The following PTPRZ1 variants were observed in gnomAD, a reference collection of about 807,000 sequenced individuals.
The protein encoded by PTPRZ1 is receptor-type tyrosine-protein phosphatase zeta.
A neutral mutation model predicts 214.1 loss-of-function variants in PTPRZ1; 82 were observed. The observed-to-expected ratio is 0.38, with a 90% CI of 0.32 to 0.46. The LOEUF (loss-of-function observed/expected upper bound fraction) is 0.46, where lower values mean the gene tolerates loss of function less well. Ranked by LOEUF, PTPRZ1 falls within the 20% of genes least tolerant of loss-of-function variation. PTPRZ1 has a pLI of 1.00. For synonymous variants in PTPRZ1, 945 were observed against 987.9 expected (o/e 0.96, Z 0.81); for missense variants, 2,603 against 2,748.7 (o/e 0.95, Z 1.19).
At chr7:122,029,995 T>C in intron 14 of PTPRZ1, among the ~76,000 whole-genome samples, 1 of 151,976 alleles carries the variant, frequency 6.6e-6, no homozygotes, top group Non-Finnish European at 1.5e-5. Context: ...TTTGATTCCC[T>C]TCACTTCCAA....
At chr7:121,912,140 C>A (rs919956362) in intron 1 of PTPRZ1, among the ~76,000 whole-genome samples, 7 of 152,096 alleles carry the variant, frequency 4.6e-5, no homozygotes, top group Admixed American at 4.6e-4. Context: ...TTCAAGAAAG[C>A]CCAGTAAATC....
intron 23 of PTPRZ1, among the ~76,000 whole-genome samples, chr7:122,048,008 G>A (rs1222017501): frequency 6.6e-6 from 1 of 151,936 alleles, no homozygotes. Flanking sequence ...GGAAAAGGGA[G>A]ATAATTTTAA....
chr7:122,053,883 G>A, intron 25 of PTPRZ1, 27 bp from the exon 26 acceptor site: 1 of 1,610,734 alleles, frequency 6.2e-7, no homozygotes, highest in Non-Finnish European at 8.5e-7. Context: ...CGCCAGTGCT[G>A]TTTTTGTCTT....
intron 1 of PTPRZ1, among the ~76,000 whole-genome samples, chr7:121,888,135 T>G (rs1044122605): frequency 1.3e-5 from 2 of 152,008 alleles, no homozygotes; most frequent in Non-Finnish European, 2.9e-5. Context: ...AGAGACAGTG[T>G]TTTTTGATGC....
chr7:121,907,559 T>C (rs1296705132), intron 1 of PTPRZ1, among the ~76,000 whole-genome samples: 1 of 152,030 alleles, frequency 6.6e-6, no homozygotes, highest in Non-Finnish European at 1.5e-5. Context: ...CATTTAATCA[T>C]AGGATTAAGA....
intron 17 of PTPRZ1, 145 bp downstream of exon 17, chr7:122,034,523 T>C (rs1799480369): frequency 4.6e-6 from 3 of 649,630 alleles, no homozygotes; most frequent in Admixed American, 2.8e-5. Context: ...TTGTGTTAGA[T>C]AATATGTAGC....
chr7:122,060,430 C>T (rs1033738844), intron 29 of PTPRZ1, among the ~76,000 whole-genome samples: 2 of 152,176 alleles, frequency 1.3e-5, no homozygotes, highest in African/African-American at 2.4e-5. Context: ...TGATGCTGCT[C>T]ACTGGTTCAG....
At chr7:121,987,238 C>T in intron 8 of PTPRZ1, among the ~76,000 whole-genome samples, 1 of 124,400 alleles carries the variant, frequency 8.0e-6, no homozygotes, top group East Asian at 2.2e-4. Flanking sequence ...CCTCTTTGGT[C>T]AGTTCCCCTC....
In PTPRZ1 at chr7:122,055,211, A is replaced by G. The variant is rs116557693; in HGVS notation, c.6528+124A>G. The G allele has an allele frequency of 1.6e-3, 1,205 of 733,286 alleles. 14 individuals carry two copies. In the African/African-American group the frequency reaches 0.018, roughly 11 times the overall value. 45.4% of individuals were successfully genotyped at this position (733,286 alleles called of 1,614,324 possible). A position where few individuals can be genotyped will look rare whatever the true frequency, so the allele number is the denominator to read the frequency against. ...ATTTTTTCCCCATTGAGACAAATAC[A>G]CAAATAATCAAATTACCTTGTCACT... On this transcript the variant is annotated intron_variant, in intron 27 of 29. Coordinates refer to ENST00000393386, the MANE Select transcript of PTPRZ1 (RefSeq NM_002851.3).
Position 122,044,530 on chromosome 7 carries a change from G to A in PTPRZ1, c.6046G>A (p.Gly2016Arg), listed in dbSNP as rs757700789. The part of the protein sequence containing the change: ...HAYVNALLIP[G>R]PAGKTKLEKQ... ...CTATGTTAATGCACTCCTCATTCCT[G>A]GACCAGCAGGCAAAACAAAGCTAGA... The change falls in exon 23 of 30, where the codon GGA (glycine) becomes AGA (arginine). Residue 2016 changes from glycine to arginine, a missense_variant. Physicochemically the swap from Gly to Arg is moderately radical, Grantham distance 125. This residue lies in a region of PTPRZ1 where 1,913 missense variants were observed against 1,914.3 expected (regional missense o/e 1.00). Transcript: ENST00000393386. 25 of 1,613,680 alleles carry A rather than the reference G, an allele frequency of 1.5e-5. No homozygotes were observed. Among genetic ancestry groups the A allele is most frequent in the Non-Finnish European group, 1.9e-5 (22 of 1,179,804 alleles).
chr7:121,968,425 C>T (rs1447026549), intron 3 of PTPRZ1, among the ~76,000 whole-genome samples: 1 of 152,082 alleles, frequency 6.6e-6, no homozygotes, highest in Non-Finnish European at 1.5e-5. Flanking sequence ...TAGTCAATTA[C>T]TTAGTCAATC....
intron 8 of PTPRZ1, among the ~76,000 whole-genome samples, chr7:121,993,523 C>T (rs1417051181): frequency 2.3e-5 from 3 of 130,950 alleles, no homozygotes; most frequent in African/African-American, 5.8e-5. Flanking sequence ...TGCAGTAAGG[C>T]GAGATTGTGG....
chr7:121,971,033 T>G (rs1010708532), intron 3 of PTPRZ1, among the ~76,000 whole-genome samples: 1 of 152,192 alleles, frequency 6.6e-6, no homozygotes, highest in African/African-American at 2.4e-5. Flanking sequence ...CTAGCCAGTT[T>G]TCCCAGCACC....
At chr7:121,998,091 A>T in intron 10 of PTPRZ1, 85 bp downstream of exon 10, 1 of 1,434,034 alleles carries the variant, frequency 7.0e-7, no homozygotes, top group Admixed American at 2.3e-5. Context: ...TTCTCTCTAT[A>T]TTCTTTTGGC....
At chr7:122,001,670 G>T (rs528811642) in intron 10 of PTPRZ1, among the ~76,000 whole-genome samples, 1 of 152,234 alleles carries the variant, frequency 6.6e-6, no homozygotes, top group East Asian at 1.9e-4. Flanking sequence ...AATTAAATAA[G>T]CCTTGCTTGC....
At chr7:122,024,536 C>T (rs1448212418) in intron 13 of PTPRZ1, among the ~76,000 whole-genome samples, 1 of 152,020 alleles carries the variant, frequency 6.6e-6, no homozygotes, top group African/African-American at 2.4e-5. Context: ...AACTGCACTA[C>T]AAAGTATACC....
At chr7:122,038,509 CTTTT>C (rs140553499) in intron 18 of PTPRZ1, among the ~76,000 whole-genome samples, 18 of 106,294 alleles carry the variant, frequency 1.7e-4, no homozygotes, top group Admixed American at 6.2e-4. Context: ...GAGAGCTATT[CTTTT>C]TTTTTTTTTT....
chr7:122,006,824 A>C (rs1425496157), intron 11 of PTPRZ1, among the ~76,000 whole-genome samples: 1 of 152,130 alleles, frequency 6.6e-6, no homozygotes, highest in East Asian at 1.9e-4. Context: ...GATGATTCAC[A>C]GGTGTGGGAA....
chr7:122,005,592 A>G (rs1254100797), intron 11 of PTPRZ1, among the ~76,000 whole-genome samples: 1 of 152,022 alleles, frequency 6.6e-6, no homozygotes, highest in Admixed American at 6.6e-5. Flanking sequence ...TCAGCTAAGA[A>G]TAACTTTATT....
Sources: allele counts gnomAD v4.1 joint callset (sites outside exome capture counted in the v4.1 genomes callset), GRCh38; gene constraint gnomAD v4.1.1; regional missense constraint gnomAD v4.1.1; transcripts MANE v1.5; gene names NCBI Gene and HGNC (gene_info 2026-07-23, HGNC 2026-07-21).